The following FERMT2 variants were observed in gnomAD, a reference collection of about 807,000 sequenced individuals.
The protein encoded by FERMT2 is FERM domain containing kindlin 2, also known as fermitin family homolog 2.
In FERMT2, 15 loss-of-function variants were observed where a neutral mutation model predicts 82.7. That is an observed-to-expected ratio of 0.18 (90% CI 0.12 to 0.28). FERMT2 has a LOEUF of 0.28. FERMT2 is among the 10% of genes least tolerant of loss of function. FERMT2 has a pLI of 1.00. For missense variants in FERMT2, 645 were observed against 809.4 expected, an observed-to-expected ratio of 0.80 and a Z score of 2.46; for synonymous variants, 274 against 271.5, an observed-to-expected ratio of 1.01 and a Z score of -0.09.
intron 1 of FERMT2, 129 bp from the exon 2 acceptor site, chr14:52,950,706 G>A: frequency 1.1e-6 from 1 of 883,384 alleles, no homozygotes; most frequent in Non-Finnish European, 1.7e-6. Flanking sequence ...CAGAAACTCG[G>A]GAGGGCGGCG....
intron 1 of FERMT2, 122 bp from the exon 2 acceptor site, chr14:52,950,699 A>T (rs956695364): frequency 1.0e-6 from 1 of 982,056 alleles, no homozygotes; most frequent in African/African-American, 1.6e-5. Context: ...CTTTCGGCAG[A>T]AACTCGGGAG....
At chr14:52,869,708 T>C (rs1027417193) in intron 10 of FERMT2, among the ~76,000 whole-genome samples, 4 of 152,246 alleles carry the variant, frequency 2.6e-5, no homozygotes, top group Admixed American at 2.6e-4. Context: ...TTCATCATTA[T>C]TTTACAAAGT....
chr14:52,897,315 T>C (rs559673515), intron 3 of FERMT2, among the ~76,000 whole-genome samples: 3 of 152,196 alleles, frequency 2.0e-5, no homozygotes, highest in Admixed American at 6.5e-5. Flanking sequence ...CCATATTTTA[T>C]TTCAGAATTC....
chr14:52,937,941 CTACT>C (rs1230890669), intron 2 of FERMT2, among the ~76,000 whole-genome samples: 3 of 152,192 alleles, frequency 2.0e-5, no homozygotes, highest in East Asian at 3.8e-4. Context: ...AGTCTAACTA[CTACT>C]TACTATGTGC....
intron 7 of FERMT2, among the ~76,000 whole-genome samples, 177 bp downstream of exon 7, chr14:52,878,405 G>A (rs1417877935): frequency 1.3e-5 from 2 of 152,030 alleles, no homozygotes; most frequent in East Asian, 3.8e-4. Flanking sequence ...TCTTGGAAAA[G>A]ATAAAAAATC....
chr14:52,902,251 GGCATGATGGCGT>G (rs1451625855), intron 3 of FERMT2, among the ~76,000 whole-genome samples: 3 of 151,624 alleles, frequency 2.0e-5, no homozygotes, highest in African/African-American at 7.3e-5. Context: ...AAATTAGCTG[GGCATGATGGCGT>G]GCATCTGTAG....
intron 8 of FERMT2, 76 bp from the exon 9 acceptor site, chr14:52,874,302 G>T: frequency 2.5e-6 from 2 of 813,126 alleles, no homozygotes; most frequent in South Asian, 2.0e-5. Flanking sequence ...CTGATATCAA[G>T]AACTAGCTTA....
At chr14:52,859,798 C>G (rs898032251) in intron 13 of FERMT2, 84 bp from the exon 14 acceptor site, 7 of 768,522 alleles carry the variant, frequency 9.1e-6, no homozygotes, top group Non-Finnish European at 1.2e-5. Flanking sequence ...AGTGTTCTCT[C>G]TAACCCTAAA....
At chr14:52,861,108 A>ACGT in intron 12 of FERMT2, 3 of 1,377,134 alleles carry the variant, frequency 2.2e-6, no homozygotes, top group Non-Finnish European at 2.9e-6. Context: ...AATGGCAACG[A>ACGT]AGCAAAGAAA....
chr14:52,942,460 G>A (rs944391871), intron 2 of FERMT2, among the ~76,000 whole-genome samples: 3 of 151,542 alleles, frequency 2.0e-5, no homozygotes, highest in Admixed American at 6.6e-5. Context: ...CCACCACCAC[G>A]CCCAGCTAAT....
intron 3 of FERMT2, among the ~76,000 whole-genome samples, chr14:52,917,271 CGTGTGTGTGTGTGTGTGTGTGTGTAT>C (rs1888667939): frequency 6.8e-6 from 1 of 147,544 alleles, no homozygotes; most frequent in Non-Finnish European, 1.5e-5. Flanking sequence ...CACAGAGATA[CGTGTGTGTGTGTGTGTGTGTGTGTAT>C]GTGTGTGTCT....
intron 4 of FERMT2, among the ~76,000 whole-genome samples, chr14:52,892,456 GTTTT>G (rs11281193): frequency 7.5e-6 from 1 of 133,390 alleles, no homozygotes; most frequent in Non-Finnish European, 1.6e-5. Flanking sequence ...GCTGTTTTTT[GTTTT>G]TTTTTTTTTT....
chr14:52,898,137 T>C (rs751212860), intron 3 of FERMT2, among the ~76,000 whole-genome samples: 4 of 152,152 alleles, frequency 2.6e-5, no homozygotes, highest in Non-Finnish European at 5.9e-5. Flanking sequence ...CCTGAACGAA[T>C]ATGTGACCAC....
intron 3 of FERMT2, among the ~76,000 whole-genome samples, chr14:52,907,552 A>T (rs1489502023): frequency 6.6e-6 from 1 of 152,176 alleles, no homozygotes; most frequent in African/African-American, 2.4e-5. Context: ...CATATATAGG[A>T]GTAAAATACA....
intron 2 of FERMT2, among the ~76,000 whole-genome samples, chr14:52,932,725 T>C (rs1051230421): frequency 4.6e-5 from 7 of 152,198 alleles, no homozygotes; most frequent in Non-Finnish European, 7.3e-5. Flanking sequence ...AGACTGTTCA[T>C]TGGTAATTAG....
Position 52,948,472 on chromosome 14 carries a change from C to T in FERMT2, c.157+1940G>A, listed in dbSNP as rs77109567. ...TTACCAAACAGGAAAGTCAGAGGCA[C>T]TTTCTATTTGGAATTCAAAATATAA... On this transcript the variant is annotated intron_variant, in intron 2 of 14. Coordinates refer to ENST00000341590, the MANE Select transcript of FERMT2 (RefSeq NM_006832.3). The T allele has an allele frequency of 2.9e-3, 1,191 of 412,742 alleles. 35 individuals carry two copies. The East Asian group carries it at 0.07, about 24-fold the overall frequency. 25.6% of individuals were successfully genotyped at this position (412,742 alleles called of 1,614,324 possible). A position where few individuals can be genotyped will look rare whatever the true frequency, so the allele number is the denominator to read the frequency against.
chr14:52,871,470 A>G (rs1358497556), intron 10 of FERMT2: 1 of 152,196 alleles, frequency 6.6e-6, no homozygotes, highest in Non-Finnish European at 1.5e-5. Context: ...ATTGAAAAGT[A>G]TTACCCCAAG....
intron 2 of FERMT2, among the ~76,000 whole-genome samples, chr14:52,927,040 T>C (rs1164676795): frequency 3.9e-5 from 6 of 152,190 alleles, no homozygotes; most frequent in African/African-American, 1.4e-4. Flanking sequence ...ATCATTAACA[T>C]TGCAAATTGC....
intron 4 of FERMT2, among the ~76,000 whole-genome samples, chr14:52,886,328 T>C (rs917606748): frequency 3.3e-5 from 5 of 151,856 alleles, no homozygotes; most frequent in Non-Finnish European, 5.9e-5. Context: ...TATAGATATA[T>C]ATGTATCTAC....
Sources: allele counts gnomAD v4.1 joint callset (sites outside exome capture counted in the v4.1 genomes callset), GRCh38; gene constraint gnomAD v4.1.1; transcripts MANE v1.5; gene names NCBI Gene and HGNC (gene_info 2026-07-23, HGNC 2026-07-21).